The following AOPEP variants were observed in gnomAD, a reference collection of about 807,000 sequenced individuals.
AOPEP encodes aminopeptidase O.
A neutral mutation model predicts 98.1 loss-of-function variants in AOPEP; 77 were observed. That is an observed-to-expected ratio of 0.78 (90% CI 0.65 to 0.95). The LOEUF is 0.95. AOPEP is among the 40% of genes least tolerant of loss of function. AOPEP has a pLI of 0.00. For synonymous variants in AOPEP, 346 were observed against 365.3 expected, an observed-to-expected ratio of 0.95 and a Z score of 0.60; for missense variants, 1,024 against 1,024.7, an observed-to-expected ratio of 1.00 and a Z score of 0.01.
chr9:94,898,661 A>G (rs375847540), intron 5 of AOPEP, among the ~76,000 whole-genome samples: 1 of 104,468 alleles, frequency 9.6e-6, no homozygotes, highest in East Asian at 3.1e-4. Flanking sequence ...AAAAAAAAAA[A>G]GGCCGGGTGC....
intron 3 of AOPEP, among the ~76,000 whole-genome samples, chr9:94,774,172 C>T (rs538159276): frequency 3.3e-5 from 5 of 151,670 alleles, no homozygotes; most frequent in East Asian, 3.9e-4. Context: ...ATTAGCCGGG[C>T]GTGGGGGCGG....
chr9:94,879,871 G>T (rs1178803320), intron 5 of AOPEP, among the ~76,000 whole-genome samples: 1 of 152,138 alleles, frequency 6.6e-6, no homozygotes, highest in Non-Finnish European at 1.5e-5. Flanking sequence ...GGATCATTTT[G>T]TGTGTTCCAT....
At chr9:95,047,810 T>C (rs2065977138) in intron 13 of AOPEP, among the ~76,000 whole-genome samples, 2 of 152,218 alleles carry the variant, frequency 1.3e-5, no homozygotes, top group Non-Finnish European at 2.9e-5. Context: ...TCTGGTTGTT[T>C]AGGATGAAGA....
chr9:94,984,411 T>A (rs1166117022), intron 11 of AOPEP, among the ~76,000 whole-genome samples: 1 of 152,194 alleles, frequency 6.6e-6, no homozygotes, highest in African/African-American at 2.4e-5. Context: ...ACCTTGGGTA[T>A]GTGAATGAGT....
At chr9:95,074,958 G>T (rs895202815) in intron 14 of AOPEP, among the ~76,000 whole-genome samples, 1 of 152,206 alleles carries the variant, frequency 6.6e-6, no homozygotes, top group African/African-American at 2.4e-5. Flanking sequence ...AGAGGTGTGG[G>T]TGCTGCAGGT....
At chr9:94,911,196 C>G (rs1307245691) in intron 5 of AOPEP, among the ~76,000 whole-genome samples, 1 of 152,172 alleles carries the variant, frequency 6.6e-6, no homozygotes, top group Non-Finnish European at 1.5e-5. Context: ...TCTTGTCTTC[C>G]CTGCTTTGAA....
chr9:94,861,078 G>A (rs2044903519), intron 5 of AOPEP, among the ~76,000 whole-genome samples: 1 of 152,206 alleles, frequency 6.6e-6, no homozygotes, highest in African/African-American at 2.4e-5. Flanking sequence ...GGAATCCACT[G>A]TGGCCAGCTG....
chr9:94,922,943 C>A (rs998914544), intron 5 of AOPEP, among the ~76,000 whole-genome samples: 2 of 152,212 alleles, frequency 1.3e-5, no homozygotes, highest in Non-Finnish European at 2.9e-5. Context: ...GAAGAAAAAC[C>A]TGCGAGCAGT....
At chr9:95,034,987 T>C (rs1322602525) in intron 13 of AOPEP, among the ~76,000 whole-genome samples, 1 of 151,994 alleles carries the variant, frequency 6.6e-6, no homozygotes, top group Non-Finnish European at 1.5e-5. Flanking sequence ...TTCTTTTTTT[T>C]TTTTTTATAC....
At chr9:94,765,466 TAA>T (rs1728029612) in intron 2 of AOPEP, among the ~76,000 whole-genome samples, 1 of 147,074 alleles carries the variant, frequency 6.8e-6, no homozygotes, top group Non-Finnish European at 1.5e-5. Flanking sequence ...ATAATAATAA[TAA>T]TAATAATAAT....
chr9:95,121,942 C>T, the AOPEP span, among the ~76,000 whole-genome samples: 1 of 151,358 alleles, frequency 6.6e-6, no homozygotes, highest in Non-Finnish European at 1.5e-5. Context: ...ACTGCAAGCT[C>T]CGCCTCCCGG....
the AOPEP span, chr9:95,107,471 G>A: frequency 1.3e-5 from 8 of 638,702 alleles, no homozygotes; most frequent in Admixed American, 5.0e-5. Flanking sequence ...ACTTTCTTTC[G>A]TCTTGCTCAC....
At chr9:94,731,941 C>A (rs1050761203) in intron 1 of AOPEP, among the ~76,000 whole-genome samples, 1 of 151,884 alleles carries the variant, frequency 6.6e-6, no homozygotes, top group African/African-American at 2.4e-5. Context: ...CCTGGCACCA[C>A]ACCTGGCTAA....
At chr9:94,804,594 G>A (rs1341544454) in intron 5 of AOPEP, among the ~76,000 whole-genome samples, 2 of 152,074 alleles carry the variant, frequency 1.3e-5, no homozygotes, top group Admixed American at 1.3e-4. Flanking sequence ...TTCCCCACCT[G>A]TTCTATACCA....
chr9:94,759,953 A>G lies in AOPEP; in HGVS notation c.170A>G (p.Asn57Ser). Reference protein sequence around the residue: ...LEDGNRFKKQNSSIEEACQSE... With the variant: ...LEDGNRFKKQSSSIEEACQSE... ...GATGGAAACAGATTCAAGAAACAGA[A>G]TAGCTCTATTGAGGAAGCCTGCCAA... The change falls in exon 2 of 17, where the codon AAT (asparagine) becomes AGT (serine). Residue 57 changes from asparagine (N) to serine (S), a missense_variant. By Grantham distance (46) the Asn-to-Ser change is conservative. Coordinates refer to ENST00000375315, the MANE Select transcript of AOPEP (RefSeq NM_001193329.3). 6.2e-7 allele frequency: 1 copy of G among 1,614,172 alleles called. No individual in the cohort carries two copies. The highest frequency in any genetic ancestry group is 8.5e-7 in the Non-Finnish European group (1 of 1,180,028).
chr9:94,837,237 C>G lies in AOPEP; in HGVS notation c.1364+36235C>G, dbSNP rs79809860. Among the ~76,000 whole-genome samples, 1,006 of 152,208 alleles carry G rather than the reference C, an allele frequency of 6.6e-3. 8 individuals are homozygous for G. The highest frequency in any genetic ancestry group is 0.023 in the African/African-American group (968 of 41,528). The stretch of plus-strand genomic sequence containing the variant: ...TTAGAAACTCTGAACAGAACAATAA[C>G]AAGCAGTGAGATTGAAATGGTAATA... On this transcript the variant is annotated intron_variant, in intron 5 of 16. Coordinates refer to ENST00000375315, the MANE Select transcript of AOPEP (RefSeq NM_001193329.3).
chr9:94,936,596 C>T (rs1205865063), intron 7 of AOPEP, among the ~76,000 whole-genome samples: 1 of 152,142 alleles, frequency 6.6e-6, no homozygotes, highest in African/African-American at 2.4e-5. Context: ...AGGAGGTTTC[C>T]CCACACACCA....
At chr9:95,131,098 C>A in the AOPEP span, among the ~76,000 whole-genome samples, 1 of 152,176 alleles carries the variant, frequency 6.6e-6, no homozygotes, top group Admixed American at 6.5e-5. Context: ...TATACACAAA[C>A]AATTTTTTCA....
intron 4 of AOPEP, among the ~76,000 whole-genome samples, chr9:94,795,971 A>G (rs1318350613): frequency 6.6e-6 from 1 of 152,182 alleles, no homozygotes; most frequent in African/African-American, 2.4e-5. Context: ...CTGAGACTCC[A>G]TTTCCAAATG....
Sources: gnomAD v4.1 joint callset for allele counts (sites outside exome capture counted in the v4.1 genomes callset) on GRCh38, gnomAD v4.1.1 for gene constraint, MANE v1.5 for transcripts, NCBI Gene and HGNC (gene_info 2026-07-23, HGNC 2026-07-21) for gene names.